FBXW7: variants seen among roughly 807,000 people sequenced by gnomAD.
The protein encoded by FBXW7 is F-box/WD repeat-containing protein 7.
In FBXW7, 11 loss-of-function variants were observed where a neutral mutation model predicts 86.3. The ratio of observed to expected loss-of-function variants is 0.13; its 90% CI spans 0.08 to 0.21. The LOEUF is 0.21. Ranked by LOEUF, FBXW7 falls within the 10% of genes least tolerant of loss-of-function variation. The probability of loss-of-function intolerance (pLI) is 1.00; values close to 1 mark genes in which losing one functional copy is unlikely to be tolerated. For missense variants in FBXW7, 488 were observed against 847.4 expected, an observed-to-expected ratio of 0.58 and a Z score of 5.27; for synonymous variants, 313 against 297.9, an observed-to-expected ratio of 1.05 and a Z score of -0.52.
At chr4:152,366,453 C>A (rs1232441765) in intron 4 of FBXW7, among the ~76,000 whole-genome samples, 2 of 152,130 alleles carry the variant, frequency 1.3e-5, no homozygotes, top group African/African-American at 4.8e-5. Context: ...TAGTTATTAA[C>A]TTCACAGACA....
chr4:152,426,576 C>A (rs1411143281), intron 2 of FBXW7, among the ~76,000 whole-genome samples: 1 of 152,138 alleles, frequency 6.6e-6, no homozygotes, highest in African/African-American at 2.4e-5. Flanking sequence ...GTCTCAAACT[C>A]CTGACCTGGT....
intron 2 of FBXW7, among the ~76,000 whole-genome samples, chr4:152,512,965 G>A (rs1445432455): frequency 6.6e-6 from 1 of 152,092 alleles, no homozygotes; most frequent in African/African-American, 2.4e-5. Flanking sequence ...AGGTTCCAGC[G>A]ATTCTCCTGC....
At chr4:152,421,855 C>T (rs1738977132) in intron 2 of FBXW7, among the ~76,000 whole-genome samples, 1 of 152,082 alleles carries the variant, frequency 6.6e-6, no homozygotes, top group South Asian at 2.1e-4. Context: ...ATTAAGTTTG[C>T]CATCTTTTAT....
Position 152,321,063 on chromosome 4 carries a change from T to C in FBXW7, c.*1818A>G, listed in dbSNP as rs2126444715. ...CACAGTGGAGTGTCCTCCTTCATAGTCTAGGAGAGAAATAAAATTTGCAGT... is the reference window on the plus strand; with the variant it reads ...CACAGTGGAGTGTCCTCCTTCATAGCCTAGGAGAGAAATAAAATTTGCAGT... On this transcript the variant is annotated 3_prime_UTR_variant, in exon 14 of 14. Coordinates refer to ENST00000281708, the MANE Select transcript of FBXW7 (RefSeq NM_001349798.2). The C allele has an allele frequency of 1.1e-5, 2 of 178,384 alleles. No homozygotes were observed. The highest frequency in any genetic ancestry group is 2.3e-3 in the Middle Eastern group (1 of 444). 11.1% of individuals were successfully genotyped at this position (178,384 alleles called of 1,614,324 possible).
At chr4:152,461,010 G>A (rs1329213603) in intron 2 of FBXW7, among the ~76,000 whole-genome samples, 17 of 152,222 alleles carry the variant, frequency 1.1e-4, no homozygotes, top group Admixed American at 1.1e-3. Flanking sequence ...GCCGAGCACA[G>A]TGGCTCACGC....
At chr4:152,438,298 T>C (rs1481730066) in intron 2 of FBXW7, among the ~76,000 whole-genome samples, 1 of 152,166 alleles carries the variant, frequency 6.6e-6, no homozygotes, top group Non-Finnish European at 1.5e-5. Flanking sequence ...GGGGAAACAA[T>C]AAATTCTTGT....
intron 2 of FBXW7, among the ~76,000 whole-genome samples, chr4:152,468,773 A>C (rs1743682560): frequency 6.6e-6 from 1 of 152,160 alleles, no homozygotes; most frequent in South Asian, 2.1e-4. Flanking sequence ...AAATTTGCTA[A>C]GATGAAATAT....
At chr4:152,416,392 G>A (rs1738431683) in intron 2 of FBXW7, among the ~76,000 whole-genome samples, 1 of 152,052 alleles carries the variant, frequency 6.6e-6, no homozygotes, top group South Asian at 2.1e-4. Flanking sequence ...TTTGTAAATT[G>A]TCTACTAAGT....
chr4:152,511,354 C>T (rs774205462), intron 2 of FBXW7, among the ~76,000 whole-genome samples: 4 of 138,422 alleles, frequency 2.9e-5, no homozygotes, highest in Non-Finnish European at 6.2e-5. Context: ...TGGACAATTA[C>T]TTAAAAGTTC....
chr4:152,387,631 G>T (rs1027319894), intron 4 of FBXW7, among the ~76,000 whole-genome samples: 28 of 135,198 alleles, frequency 2.1e-4, no homozygotes, highest in African/African-American at 7.3e-4. Flanking sequence ...AAAACATCCA[G>T]CAAGCAACAT....
In FBXW7 at chr4:152,470,739, T is replaced by C. The variant is rs550352923; in HGVS notation, c.-119-58210A>G. On this transcript the variant is annotated intron_variant, in intron 2 of 13. Transcript: ENST00000281708. ...GCACTAAATAATATTTATGAAGCTC[T>C]TCTTGTCTGCCAGGCAATTTACTCT... Among the ~76,000 whole-genome samples, 3 of 152,246 alleles carry C rather than the reference T, an allele frequency of 2.0e-5. No individual in the cohort carries two copies. The East Asian group carries it at 5.8e-4, about 29-fold the overall frequency.
chr4:152,372,842 C>T (rs1397764792), intron 4 of FBXW7, among the ~76,000 whole-genome samples: 1 of 151,890 alleles, frequency 6.6e-6, no homozygotes, highest in Non-Finnish European at 1.5e-5. Flanking sequence ...CAAGTTGTTT[C>T]CATAGTGTAG....
intron 4 of FBXW7, among the ~76,000 whole-genome samples, chr4:152,356,064 GTAGT>G (rs1732353031): frequency 6.6e-6 from 1 of 152,130 alleles, no homozygotes; most frequent in Admixed American, 6.6e-5. Flanking sequence ...CATAAAGGAT[GTAGT>G]TAATAGAGTA....
chr4:152,339,182 G>C (rs1730461996), intron 6 of FBXW7, among the ~76,000 whole-genome samples: 1 of 152,106 alleles, frequency 6.6e-6, no homozygotes, highest in Non-Finnish European at 1.5e-5. Context: ...TAATGTTAAA[G>C]ATATACAGGT....
Position 152,332,705 on chromosome 4 carries a change from C to T in FBXW7, c.876G>A (p.Val292=), listed in dbSNP as rs1290021989. The change falls in exon 8 of 14, where the codon GTG becomes GTA. Residue 292 remains valine, a synonymous_variant. Coordinates refer to ENST00000281708, the MANE Select transcript of FBXW7 (RefSeq NM_001349798.2). Reference sequence around the variant, plus strand: ...GGTCTTTGGGTTCCAGGAATGAAAGCACATAGAGTGCCAACTAAGAAAAAA... The same window carrying T: ...GGTCTTTGGGTTCCAGGAATGAAAGTACATAGAGTGCCAACTAAGAAAAAA... The part of the protein sequence containing the change: ...SLLPKELALY[V]LSFLEPKDLL... 1.9e-6 allele frequency: 3 copies of T among 1,585,512 alleles called. No homozygotes were observed. The highest frequency in any genetic ancestry group is 4.6e-5 in the East Asian group (2 of 43,846).
chr4:152,469,883 G>A lies in FBXW7; in HGVS notation c.-119-57354C>T, dbSNP rs898289333. Among the ~76,000 whole-genome samples the A allele has an allele frequency of 3.3e-5, 5 of 152,002 alleles. 1 individual carries two copies. The highest frequency in any genetic ancestry group is 5.9e-5 in the Non-Finnish European group (4 of 67,932). On this transcript the variant is annotated intron_variant, in intron 2 of 13. Transcript: ENST00000281708. The stretch of plus-strand genomic sequence containing the variant: ...CACTATTGTAAATGTCATTCATGTA[G>A]CATATGTGTAAACTTAAGTAACACG...
chr4:152,499,094 G>A (rs1365422960), intron 2 of FBXW7, among the ~76,000 whole-genome samples: 1 of 152,030 alleles, frequency 6.6e-6, no homozygotes, highest in Admixed American at 6.6e-5. Context: ...ATGATGCCAG[G>A]AAAAATACCT....
At position 152,376,304 on chromosome 4, in the gene FBXW7, TACC is replaced by T. The variant is rs779562220; in HGVS notation, c.502-26183_502-26181del. Among the ~76,000 whole-genome samples, 8 of 152,112 alleles carry T rather than the reference TACC, an allele frequency of 5.3e-5. No individual in the cohort carries two copies. In the East Asian group the frequency reaches 5.8e-4, roughly 11 times the overall value. On this transcript the variant is annotated intron_variant, in intron 4 of 13. Coordinates refer to ENST00000281708, the MANE Select transcript of FBXW7 (RefSeq NM_001349798.2). The stretch of plus-strand genomic sequence containing the variant: ...AGGGTAATAATTCCCAAATTTGCTT[TACC>T]AACAGAGCTTATGATGGTCGGTGTT...
chr4:152,465,851 A>C (rs894716272), intron 2 of FBXW7, among the ~76,000 whole-genome samples: 1 of 151,960 alleles, frequency 6.6e-6, no homozygotes, highest in African/African-American at 2.4e-5. Flanking sequence ...CTCAAAAAAA[A>C]AAAAAAAAAA....
Sources: allele counts gnomAD v4.1 joint callset (sites outside exome capture counted in the v4.1 genomes callset), GRCh38; gene constraint gnomAD v4.1.1; transcripts MANE v1.5; gene names NCBI Gene and HGNC (gene_info 2026-07-23, HGNC 2026-07-21).